MID2: variants seen among roughly 807,000 people sequenced by gnomAD.
The protein encoded by MID2 is probable E3 ubiquitin-protein ligase MID2.
In MID2, 13 loss-of-function variants were observed where a neutral mutation model predicts 46.1. The ratio of observed to expected loss-of-function variants is 0.28; its 90% CI spans 0.18 to 0.45. The LOEUF (loss-of-function observed/expected upper bound fraction) is 0.45, where lower values mean the gene tolerates loss of function less well. MID2 is among the 20% of genes least tolerant of loss of function. The pLI, the probability that MID2 is intolerant of heterozygous loss-of-function variation, is 1.00. For synonymous variants in MID2, 199 were observed against 212.3 expected, an observed-to-expected ratio of 0.94 and a Z score of 0.55; for missense variants, 431 against 575.4, an observed-to-expected ratio of 0.75 and a Z score of 2.57.
At chrX:107,855,302 T>C (rs1931717832) in intron 3 of MID2, among the ~76,000 whole-genome samples, 1 of 112,147 alleles carries the variant, frequency 8.9e-6, no homozygotes. Context: ...TGTGAGGTTT[T>C]AATCAATTGT....
At chrX:107,856,296 C>A (rs1288349160) in intron 3 of MID2, among the ~76,000 whole-genome samples, 1 of 111,627 alleles carries the variant, frequency 9.0e-6, no homozygotes, top group Non-Finnish European at 1.9e-5. Flanking sequence ...TATAAGACAT[C>A]CACACTGGCA....
intron 3 of MID2, among the ~76,000 whole-genome samples, chrX:107,898,955 T>C (rs1327457275): frequency 3.6e-5 from 4 of 110,863 alleles, no homozygotes; most frequent in South Asian, 7.7e-4. Flanking sequence ...TATGGGATCA[T>C]CTACTATTTC....
At position 107,928,031 on chromosome X, in the gene MID2, A is replaced by G. The variant is rs1037554208; in HGVS notation, c.*958A>G. ...AGGATGGCCATCTGAATTGTTAAAAATTCTGTCATAGACTATTAAAAAAAA... is the reference window on the plus strand; with the variant it reads ...AGGATGGCCATCTGAATTGTTAAAAGTTCTGTCATAGACTATTAAAAAAAA... On this transcript the variant is annotated 3_prime_UTR_variant, in exon 10 of 10. Coordinates refer to ENST00000262843, the MANE Select transcript of MID2 (RefSeq NM_012216.4). 9.0e-6 allele frequency among the ~76,000 whole-genome samples: 1 copy of G among 111,379 alleles called. No individual in the cohort carries two copies. The highest frequency in any genetic ancestry group is 9.6e-5 in the Admixed American group (1 of 10,428).
intron 5 of MID2, among the ~76,000 whole-genome samples, chrX:107,907,592 C>A (rs1932846784): frequency 9.0e-6 from 1 of 110,931 alleles, no homozygotes; most frequent in Non-Finnish European, 1.9e-5. Context: ...CCATTTTTAA[C>A]CCACTCATGT....
intron 3 of MID2, among the ~76,000 whole-genome samples, chrX:107,878,841 T>A (rs1380063747): frequency 8.9e-6 from 1 of 112,374 alleles, no homozygotes; most frequent in East Asian, 2.8e-4. Context: ...TTGCATTTAC[T>A]CACCCTTCTG....
intron 3 of MID2, among the ~76,000 whole-genome samples, chrX:107,859,207 A>T (rs1446027516): frequency 8.9e-6 from 1 of 111,975 alleles, no homozygotes; most frequent in Non-Finnish European, 1.9e-5. Flanking sequence ...TAAATATTTT[A>T]AAATAAATTA....
At chrX:107,903,912 G>T (rs753654598) in intron 3 of MID2, 46 bp from the exon 4 acceptor site, 2 of 969,379 alleles carry the variant, frequency 2.1e-6, no homozygotes, top group South Asian at 3.9e-5. Context: ...GCCAGCAGGG[G>T]ACAAAGGCAA....
chrX:107,843,261 C>T (rs1402196166), intron 2 of MID2, among the ~76,000 whole-genome samples: 1 of 111,879 alleles, frequency 8.9e-6, no homozygotes, highest in Non-Finnish European at 1.9e-5. Flanking sequence ...AATCTGTGTC[C>T]ATATGCACTG....
At chrX:107,836,553 C>CTT (rs35453729) in intron 1 of MID2, among the ~76,000 whole-genome samples, 1 of 102,390 alleles carries the variant, frequency 9.8e-6, no homozygotes, top group Non-Finnish European at 2.0e-5. Context: ...GCCCAGCCTA[C>CTT]TTTTTTTTTT....
chrX:107,906,649 G>A (rs970086846), intron 5 of MID2, among the ~76,000 whole-genome samples: 3 of 111,888 alleles, frequency 2.7e-5, no homozygotes, highest in East Asian at 5.6e-4. Flanking sequence ...ACAGTGGTGC[G>A]ATCTTGGCTC....
rs2147879676 is a variant in MID2 at position 107,930,768 on chromosome X, T to C, written c.*3695T>C. On this transcript the variant is annotated 3_prime_UTR_variant, in exon 10 of 10. Coordinates refer to ENST00000262843, the MANE Select transcript of MID2 (RefSeq NM_012216.4). Reference sequence around the variant, plus strand: ...AGAATAGGACTTGTATTTAACATTTTCAAAGAAGGTGACTGCATAAGCTTT... The same window carrying C: ...AGAATAGGACTTGTATTTAACATTTCCAAAGAAGGTGACTGCATAAGCTTT... Among the ~76,000 whole-genome samples, 1 of 112,546 alleles carries C rather than the reference T, an allele frequency of 8.9e-6. No individual in the cohort carries two copies. The highest frequency in any genetic ancestry group is 3.2e-5 in the African/African-American group (1 of 31,068).
rs866837622 is a variant in MID2, at chrX:107,826,827, T to C, written c.4+397T>C. On this transcript the variant is annotated intron_variant, in intron 1 of 9. Coordinates refer to ENST00000262843, the MANE Select transcript of MID2 (RefSeq NM_012216.4). ...TCCCACGCTCCCGCAGCCGGCAGCC[T>C]CCTCGGCCCAGGCGTCGCCCCTTGG... Among the ~76,000 whole-genome samples, 64 of 113,564 alleles carry C rather than the reference T, an allele frequency of 5.6e-4. 1 individual carries two copies. The highest frequency in any genetic ancestry group is 7.1e-4 in the Non-Finnish European group (38 of 53,311).
intron 5 of MID2, among the ~76,000 whole-genome samples, chrX:107,914,168 A>G (rs1932932041): frequency 8.9e-6 from 1 of 112,286 alleles, no homozygotes; most frequent in South Asian, 3.7e-4. Flanking sequence ...GAGCTCTTGA[A>G]GGCAAGAACC....
intron 3 of MID2, among the ~76,000 whole-genome samples, chrX:107,889,433 A>G (rs1234000179): frequency 9.0e-6 from 1 of 111,682 alleles, no homozygotes; most frequent in Non-Finnish European, 1.9e-5. Flanking sequence ...TTCTTTAAGA[A>G]TGTTGAATAT....
intron 3 of MID2, among the ~76,000 whole-genome samples, chrX:107,887,130 A>C (rs1183022006): frequency 1.8e-5 from 2 of 111,232 alleles, no homozygotes; most frequent in East Asian, 5.6e-4. Context: ...TCTCCTGCCT[A>C]ATTGCCCTGG....
chrX:107,887,049 T>C (rs1352287829), intron 3 of MID2, among the ~76,000 whole-genome samples: 2 of 111,917 alleles, frequency 1.8e-5, no homozygotes, highest in East Asian at 5.6e-4. Context: ...TTTCTAAATA[T>C]ACAATCATGT....
chrX:107,863,575 A>G (rs1243269126), intron 3 of MID2, among the ~76,000 whole-genome samples: 1 of 112,212 alleles, frequency 8.9e-6, no homozygotes, highest in Non-Finnish European at 1.9e-5. Flanking sequence ...CTATTTTCAC[A>G]ATCCACCCAA....
chrX:107,874,560 A>G (rs888394847), intron 3 of MID2, among the ~76,000 whole-genome samples: 1 of 112,444 alleles, frequency 8.9e-6, no homozygotes, highest in African/African-American at 3.2e-5. Context: ...CTTCTGACAC[A>G]TAAAGATTAA....
intron 3 of MID2, among the ~76,000 whole-genome samples, chrX:107,878,570 A>G (rs963469737): frequency 8.9e-6 from 1 of 112,491 alleles, no homozygotes; most frequent in Non-Finnish European, 1.9e-5. Flanking sequence ...CCACAGAAAA[A>G]TCTGAGCATC....
Sources: gnomAD v4.1 joint callset for allele counts (sites outside exome capture counted in the v4.1 genomes callset) on GRCh38, gnomAD v4.1.1 for gene constraint, MANE v1.5 for transcripts, NCBI Gene and HGNC (gene_info 2026-07-23, HGNC 2026-07-21) for gene names.